The following DIAPH3 variants were observed in gnomAD, a reference collection of about 807,000 sequenced individuals.
DIAPH3 encodes the protein protein diaphanous homolog 3.
Under a neutral mutation model 144.3 loss-of-function variants are expected in DIAPH3, and 117 were observed. The observed-to-expected ratio is 0.81, with a 90% CI of 0.70 to 0.95. The LOEUF is 0.95. DIAPH3 is among the 40% of genes least tolerant of loss of function. DIAPH3 has a pLI of 0.00. For synonymous variants in DIAPH3, 519 were observed against 488.9 expected (o/e 1.06, Z -0.81); for missense variants, 1,421 against 1,412.7 (o/e 1.01, Z -0.09).
At chr13:60,109,849 G>A (rs995984222) in intron 3 of DIAPH3, among the ~76,000 whole-genome samples, 7 of 152,198 alleles carry the variant, frequency 4.6e-5, no homozygotes, top group Non-Finnish European at 7.3e-5. Context: ...AGTTGTAAAT[G>A]TAGTGATGAA....
intron 27 of DIAPH3, among the ~76,000 whole-genome samples, chr13:59,738,568 G>A (rs1007843633): frequency 3.9e-5 from 6 of 151,936 alleles, no homozygotes; most frequent in South Asian, 2.1e-4. Context: ...CCACCAAGAC[G>A]GATTTACCCT....
intron 4 of DIAPH3, among the ~76,000 whole-genome samples, chr13:60,064,053 G>A (rs2056869720): frequency 6.6e-6 from 1 of 152,154 alleles, no homozygotes; most frequent in Non-Finnish European, 1.5e-5. Context: ...GTCTCAACAA[G>A]CGGGCTTAAA....
At chr13:59,989,205 T>A (rs1210690114) in intron 12 of DIAPH3, among the ~76,000 whole-genome samples, 1 of 151,426 alleles carries the variant, frequency 6.6e-6, no homozygotes, top group Admixed American at 6.6e-5. Context: ...AACCAAAAAA[T>A]GAAGGTAAAA....
chr13:60,131,726 G>A (rs1394836076), intron 2 of DIAPH3, among the ~76,000 whole-genome samples: 1 of 152,146 alleles, frequency 6.6e-6, no homozygotes, highest in Non-Finnish European at 1.5e-5. Flanking sequence ...AGTAATGGTT[G>A]TACAATTCTT....
chr13:60,158,510 T>C (rs745910073), intron 1 of DIAPH3, among the ~76,000 whole-genome samples: 3 of 152,210 alleles, frequency 2.0e-5, no homozygotes, highest in African/African-American at 7.2e-5. Context: ...TCAATCTCCA[T>C]GTGCTGACCA....
intron 2 of DIAPH3, among the ~76,000 whole-genome samples, chr13:60,112,846 C>CA (rs1308212857): frequency 1.3e-5 from 2 of 151,902 alleles, no homozygotes; most frequent in African/African-American, 2.4e-5. Flanking sequence ...TGCTGACATT[C>CA]AAAAAAGCAT....
intron 17 of DIAPH3, among the ~76,000 whole-genome samples, chr13:59,943,758 A>T (rs988972366): frequency 6.6e-6 from 1 of 152,210 alleles, no homozygotes; most frequent in Non-Finnish European, 1.5e-5. Flanking sequence ...GTTCAAGCAA[A>T]TTCTGATATT....
chr13:60,069,011 A>T (rs1421617629), intron 4 of DIAPH3, among the ~76,000 whole-genome samples: 2 of 152,126 alleles, frequency 1.3e-5, no homozygotes, highest in African/African-American at 4.8e-5. Context: ...CAGTAATGGG[A>T]TTGCTGGACT....
intron 9 of DIAPH3, among the ~76,000 whole-genome samples, chr13:60,003,621 T>G (rs1402129958): frequency 6.6e-6 from 1 of 151,892 alleles, no homozygotes; most frequent in Non-Finnish European, 1.5e-5. Context: ...TCAGCCAGGC[T>G]GGAGTGCAGT....
At chr13:60,074,925 C>T (rs1306192836) in intron 4 of DIAPH3, among the ~76,000 whole-genome samples, 1 of 152,120 alleles carries the variant, frequency 6.6e-6, no homozygotes, top group East Asian at 1.9e-4. Flanking sequence ...ACATTTCACA[C>T]AGTGCTGCAA....
intron 27 of DIAPH3, among the ~76,000 whole-genome samples, chr13:59,743,562 G>C (rs1246280796): frequency 6.6e-6 from 1 of 152,098 alleles, no homozygotes; most frequent in Non-Finnish European, 1.5e-5. Flanking sequence ...CCCAAACTAA[G>C]AACGGCCAAG....
intron 3 of DIAPH3, among the ~76,000 whole-genome samples, chr13:60,107,494 A>C (rs997440328): frequency 6.6e-6 from 1 of 152,150 alleles, no homozygotes; most frequent in African/African-American, 2.4e-5. Flanking sequence ...ATTCCACTCT[A>C]TGTTATACAC....
intron 4 of DIAPH3, among the ~76,000 whole-genome samples, chr13:60,085,056 C>T (rs2057702647): frequency 6.6e-6 from 1 of 151,952 alleles, no homozygotes; most frequent in African/African-American, 2.4e-5. Flanking sequence ...AGTTTAATGC[C>T]ACCAACTAGG....
At chr13:59,744,404 C>A (rs1048555255) in intron 27 of DIAPH3, among the ~76,000 whole-genome samples, 2 of 152,198 alleles carry the variant, frequency 1.3e-5, no homozygotes, top group Non-Finnish European at 2.9e-5. Context: ...ATGGTCTCTG[C>A]CCTCCAAGAG....
At chr13:59,710,847 TCA>T (rs2034695147) in intron 27 of DIAPH3, among the ~76,000 whole-genome samples, 3 of 152,320 alleles carry the variant, frequency 2.0e-5, no homozygotes, top group Admixed American at 1.3e-4. Context: ...TAAAAAAAAT[TCA>T]CAGAGCTCTG....
intron 25 of DIAPH3, among the ~76,000 whole-genome samples, chr13:59,778,275 T>C (rs1337075975): frequency 6.6e-6 from 1 of 152,200 alleles, no homozygotes; most frequent in Non-Finnish European, 1.5e-5. Flanking sequence ...CTGTAATACA[T>C]ATACCAATAA....
intron 18 of DIAPH3, among the ~76,000 whole-genome samples, chr13:59,917,353 A>G (rs994222927): frequency 2.6e-5 from 4 of 152,132 alleles, no homozygotes; most frequent in African/African-American, 9.7e-5. Flanking sequence ...AAGGATGACT[A>G]TTTTTTATAA....
chr13:59,733,144 A>G (rs1182292050), intron 27 of DIAPH3, among the ~76,000 whole-genome samples: 4 of 152,296 alleles, frequency 2.6e-5, no homozygotes, highest in African/African-American at 7.2e-5. Flanking sequence ...TCACTTAGAA[A>G]TGATGTTAAC....
intron 27 of DIAPH3, among the ~76,000 whole-genome samples, chr13:59,669,723 G>C (rs1413724358): frequency 6.6e-6 from 1 of 152,104 alleles, no homozygotes; most frequent in African/African-American, 2.4e-5. Context: ...AATTTATGAG[G>C]TGGGGGGAAT....
Sources: allele counts gnomAD v4.1 joint callset (sites outside exome capture counted in the v4.1 genomes callset), GRCh38; gene constraint gnomAD v4.1.1; transcripts MANE v1.5; gene names NCBI Gene and HGNC (gene_info 2026-07-23, HGNC 2026-07-21).